YWHAZ: variants seen among roughly 807,000 people sequenced by gnomAD.
The protein encoded by YWHAZ is 14-3-3 protein zeta/delta.
For synonymous variants in YWHAZ, 87 were observed against 103.6 expected, an observed-to-expected ratio of 0.84 and a Z score of 0.97; for missense variants, 79 against 284.8, an observed-to-expected ratio of 0.28 and a Z score of 5.20.
Position 100,918,024 on chromosome 8 carries a change from G to C in YWHAZ, c.*2669C>G, listed in dbSNP as rs1326434151. ...CACATTAAATAGGCAAATGTGCCAAGTTTCAGGTTTTATTTACTTGAATAA... is the reference window on the plus strand; with the variant it reads ...CACATTAAATAGGCAAATGTGCCAACTTTCAGGTTTTATTTACTTGAATAA... On this transcript the variant is annotated 3_prime_UTR_variant, in exon 6 of 6. Transcript: ENST00000395958. 1 of 151,980 alleles carries C rather than the reference G, an allele frequency of 6.6e-6. No individual in the cohort carries two copies. Among genetic ancestry groups the C allele is most frequent in the East Asian group, 1.9e-4 (1 of 5,156 alleles). 9.4% of individuals were successfully genotyped at this position (151,980 alleles called of 1,614,324 possible). A position where few individuals can be genotyped will look rare whatever the true frequency, so the allele number is the denominator to read the frequency against.
At chr8:100,944,528 AGT>A (rs1810123193) in intron 2 of YWHAZ, among the ~76,000 whole-genome samples, 1 of 152,238 alleles carries the variant, frequency 6.6e-6, no homozygotes, top group East Asian at 1.9e-4. Context: ...TCCTATATAA[AGT>A]CATTCTCTGC....
intron 2 of YWHAZ, among the ~76,000 whole-genome samples, chr8:100,930,837 TG>T (rs1293366354): frequency 6.6e-6 from 1 of 152,224 alleles, no homozygotes; most frequent in Non-Finnish European, 1.5e-5. Context: ...AAGATTAATT[TG>T]CTGAATTAGA....
chr8:100,922,039 T>TA lies in YWHAZ; in HGVS notation c.679-1288dup. Among the ~76,000 whole-genome samples the TA allele has an allele frequency of 6.6e-6, 1 of 152,210 alleles. No homozygotes were observed. Among genetic ancestry groups the TA allele is most frequent in the South Asian group, 2.1e-4 (1 of 4,832 alleles). ...GAGACTACTTCCAAGGTCATACAGATAGCCAAATGACCTCTTGGAAACTGT... is the reference window on the plus strand; with the variant it reads ...GAGACTACTTCCAAGGTCATACAGATAAGCCAAATGACCTCTTGGAAACTGT... On this transcript the variant is annotated intron_variant, in intron 5 of 5. Transcript: ENST00000395958. The surrounding 1 kb of genome is among the most constrained non-coding windows in gnomAD (Gnocchi z 4.1).
At chr8:100,923,850 G>A in intron 5 of YWHAZ, 105 bp downstream of exon 5, 2 of 847,532 alleles carry the variant, frequency 2.4e-6, no homozygotes, top group Non-Finnish European at 3.6e-6. Context: ...GAAATGTGTT[G>A]AGAAAAAATT....
upstream of YWHAZ, chr8:100,953,120 G>T (rs79151093): frequency 3.0e-6 from 3 of 987,286 alleles, no homozygotes; most frequent in African/African-American, 3.5e-5. Flanking sequence ...CAGCCTTCTC[G>T]GGCGGAGGGC....
At chr8:100,925,868 A>G (rs1813326737) in intron 2 of YWHAZ, among the ~76,000 whole-genome samples, 1 of 152,130 alleles carries the variant, frequency 6.6e-6, no homozygotes, top group African/African-American at 2.4e-5. Context: ...TAAATGTGTA[A>G]TTTTTTTCTT....
chr8:100,923,834 G>A (rs1014921082), intron 5 of YWHAZ, 121 bp downstream of exon 5: 1 of 667,046 alleles, frequency 1.5e-6, no homozygotes, highest in African/African-American at 1.8e-5. Context: ...ATTTATGAGA[G>A]CCTATGAAAT....
At position 100,948,386 on chromosome 8, in the gene YWHAZ, CTG is replaced by C. The variant is rs1363223492; in HGVS notation, c.294+208_294+209del. ...GTCTGTTATTTTTAACAAAACTGAA[CTG>C]TTTCATAATCATTGTTGCAATTATT... On this transcript the variant is annotated intron_variant, in intron 2 of 5. Coordinates refer to ENST00000395958, the MANE Select transcript of YWHAZ (RefSeq NM_145690.3). The surrounding 1 kb of genome is among the most constrained non-coding windows in gnomAD (Gnocchi z 4.2). 1.3e-5 allele frequency among the ~76,000 whole-genome samples: 2 copies of C among 152,110 alleles called. No individual in the cohort carries two copies. The highest frequency in any genetic ancestry group is 1.9e-4 in the East Asian group (1 of 5,200).
upstream of YWHAZ, chr8:100,952,189 G>A (rs900232295): frequency 4.1e-6 from 4 of 982,960 alleles, no homozygotes; most frequent in African/African-American, 1.8e-5. Flanking sequence ...GCCGCTCCCC[G>A]GCGCTCGTCC....
chr8:100,919,290 T>G lies in YWHAZ; in HGVS notation c.*1403A>C, dbSNP rs1482191772. 1.3e-5 allele frequency: 2 copies of G among 152,598 alleles called. No homozygotes were observed. Among genetic ancestry groups the G allele is most frequent in the Non-Finnish European group, 2.9e-5 (2 of 68,040 alleles). 9.5% of individuals were successfully genotyped at this position (152,598 alleles called of 1,614,324 possible). On this transcript the variant is annotated 3_prime_UTR_variant, in exon 6 of 6. Transcript: ENST00000395958. Reference sequence around the variant, plus strand: ...GGCAGGCTATAAGAGTATCAAGAAATTCTTAAAAACCAAAAAGTGATTTGG... The same window carrying G: ...GGCAGGCTATAAGAGTATCAAGAAAGTCTTAAAAACCAAAAAGTGATTTGG...
In YWHAZ at chr8:100,926,177, T is replaced by C. The variant is rs1013027025; in HGVS notation, c.295-1138A>G. Among the ~76,000 whole-genome samples, 6 of 150,742 alleles carry C rather than the reference T, an allele frequency of 4.0e-5. No individual in the cohort carries two copies. In the South Asian group the frequency reaches 1.3e-3, roughly 32 times the overall value. On this transcript the variant is annotated intron_variant, in intron 2 of 5. Coordinates refer to ENST00000395958, the MANE Select transcript of YWHAZ (RefSeq NM_145690.3). ...TCCAATGCTGGGTAGGTGAACAGTT[T>C]TAACCCAACTTCTTCCCCCAATTTT...
At chr8:100,949,099 G>A (rs1173607687) in intron 1 of YWHAZ, among the ~76,000 whole-genome samples, 199 bp from the exon 2 acceptor site, 1 of 152,124 alleles carries the variant, frequency 6.6e-6, no homozygotes, top group Non-Finnish European at 1.5e-5. Flanking sequence ...AGCATCAGAG[G>A]TAAACTTACA....
rs1812745452 is a variant in YWHAZ at position 100,917,282 on chromosome 8, C to T, written c.*3411G>A. ...AGACATATTCTTTCTCTTTCTCCCC[C>T]CACCCCCTATAACAGCATGAAGTAA... On this transcript the variant is annotated 3_prime_UTR_variant, in exon 6 of 6. Coordinates refer to ENST00000395958, the MANE Select transcript of YWHAZ (RefSeq NM_145690.3). 6.6e-6 allele frequency: 1 copy of T among 152,192 alleles called. No individual in the cohort carries two copies. Among genetic ancestry groups the T allele is most frequent in the African/African-American group, 2.4e-5 (1 of 41,418 alleles). The allele number at this position is 152,192 out of a possible 1,614,324, so 9.4% of individuals were successfully genotyped here. A position where few individuals can be genotyped will look rare whatever the true frequency, so the allele number is the denominator to read the frequency against.
chr8:100,947,265 A>C (rs1006007951), intron 2 of YWHAZ, among the ~76,000 whole-genome samples: 7 of 151,546 alleles, frequency 4.6e-5, no homozygotes, highest in African/African-American at 1.7e-4. Flanking sequence ...AAAAAAAAAA[A>C]AAACAAAAAA....
chr8:100,951,483 C>G (rs1450087558), intron 1 of YWHAZ: 11 of 984,722 alleles, frequency 1.1e-5, no homozygotes, highest in Non-Finnish European at 1.3e-5. Flanking sequence ...CCGCCGCCGC[C>G]GCCGCCGAGT....
rs559399139 is a variant in YWHAZ, at chr8:100,924,342, A to G, written c.419-44T>C. Reference sequence around the variant, plus strand: ...AACGTACTGAGATAAAGTGTGCATTATATCTTCACCCCTCAAACCAAACCT... The same window carrying G: ...AACGTACTGAGATAAAGTGTGCATTGTATCTTCACCCCTCAAACCAAACCT... On this transcript the variant is annotated intron_variant, in intron 3 of 5. Coordinates refer to ENST00000395958, the MANE Select transcript of YWHAZ (RefSeq NM_145690.3). The surrounding 1 kb of genome is among the most constrained non-coding windows in gnomAD (Gnocchi z 5.7). The G allele has an allele frequency of 2.6e-5, 41 of 1,579,474 alleles. No homozygotes were observed. The highest frequency in any genetic ancestry group is 1.7e-4 in the Middle Eastern group (1 of 5,920).
At chr8:100,929,646 G>A (rs555342231) in intron 2 of YWHAZ, among the ~76,000 whole-genome samples, 23 of 152,216 alleles carry the variant, frequency 1.5e-4, no homozygotes, top group Middle Eastern at 3.4e-3. Flanking sequence ...TTTTGTACAC[G>A]TGGTCTTTTT....
rs951506256 is a variant in YWHAZ, at chr8:100,920,401, T to C, written c.*292A>G. On this transcript the variant is annotated 3_prime_UTR_variant, in exon 6 of 6. Transcript: ENST00000395958. ...TGGAAGCAGTTTTACACTGGCCCTTTTGAAGCCACAATGTACCAAAAGTAC... is the reference window on the plus strand; with the variant it reads ...TGGAAGCAGTTTTACACTGGCCCTTCTGAAGCCACAATGTACCAAAAGTAC... 6 of 353,026 alleles carry C rather than the reference T, an allele frequency of 1.7e-5. No homozygotes were observed. Among genetic ancestry groups the C allele is most frequent in the African/African-American group, 1.1e-4 (5 of 46,378 alleles). The allele number at this position is 353,026 out of a possible 1,614,324, so 21.9% of individuals were successfully genotyped here. A position where few individuals can be genotyped will look rare whatever the true frequency, so the allele number is the denominator to read the frequency against.
chr8:100,944,256 A>G (rs1810099167), intron 2 of YWHAZ, among the ~76,000 whole-genome samples: 1 of 152,230 alleles, frequency 6.6e-6, no homozygotes, highest in Non-Finnish European at 1.5e-5. Context: ...AGCCCAAGGC[A>G]CGTAATAATA....
Sources: gnomAD v4.1 joint callset for allele counts (sites outside exome capture counted in the v4.1 genomes callset) on GRCh38, gnomAD v4.1.1 for gene constraint, Gnocchi (gnomAD v3.1) non-coding constraint, MANE v1.5 for transcripts, NCBI Gene and HGNC (gene_info 2026-07-23, HGNC 2026-07-21) for gene names.